Variants in LSM14A observed in about 807,000 individuals in gnomAD.
The protein encoded by LSM14A is LSM14A mRNA processing body assembly factor, also known as protein LSM14 homolog A.
A neutral mutation model predicts 52.4 loss-of-function variants in LSM14A; 14 were observed. The ratio of observed to expected loss-of-function variants is 0.27; its 90% CI spans 0.18 to 0.42. The LOEUF (loss-of-function observed/expected upper bound fraction) is 0.42. LSM14A is among the 10% of genes least tolerant of loss of function. The probability of loss-of-function intolerance (pLI) is 1.00; values close to 1 mark genes in which losing one functional copy is unlikely to be tolerated. For synonymous variants in LSM14A, 185 were observed against 200.3 expected, an observed-to-expected ratio of 0.92 and a Z score of 0.64; for missense variants, 417 against 581.8, an observed-to-expected ratio of 0.72 and a Z score of 2.91.
At chr19:34,224,104 G>A (rs1214999272) in intron 9 of LSM14A, among the ~76,000 whole-genome samples, 3 of 152,060 alleles carry the variant, frequency 2.0e-5, no homozygotes, top group South Asian at 2.1e-4. Flanking sequence ...TGAGGTGGGC[G>A]GATCACCTGA....
At chr19:34,196,547 T>C in intron 2 of LSM14A, 87 bp from the exon 3 acceptor site, 3 of 1,324,880 alleles carry the variant, frequency 2.3e-6, no homozygotes, top group Non-Finnish European at 3.0e-6. Flanking sequence ...TTTAATAGTT[T>C]TCTTAAAAGT....
At chr19:34,222,666 T>C (rs565600625) in intron 9 of LSM14A, among the ~76,000 whole-genome samples, 27 of 152,218 alleles carry the variant, frequency 1.8e-4, no homozygotes, top group Non-Finnish European at 3.8e-4. Flanking sequence ...AGATCAGTAT[T>C]AGTGGCTTTT....
intron 4 of LSM14A, among the ~76,000 whole-genome samples, chr19:34,210,929 A>C (rs1323656698): frequency 1.3e-5 from 2 of 152,160 alleles, no homozygotes; most frequent in Admixed American, 1.3e-4. Context: ...AAATATTGAA[A>C]TTAGCATTAT....
At chr19:34,210,295 A>G (rs1216730316) in intron 4 of LSM14A, among the ~76,000 whole-genome samples, 2 of 150,570 alleles carry the variant, frequency 1.3e-5, no homozygotes, top group Non-Finnish European at 1.5e-5. Context: ...TTTAAGATGG[A>G]GTCTTGCTCT....
chr19:34,186,593 C>G (rs2069926379), intron 1 of LSM14A, among the ~76,000 whole-genome samples: 1 of 152,084 alleles, frequency 6.6e-6, no homozygotes, highest in African/African-American at 2.4e-5. Flanking sequence ...TCTATAAAAC[C>G]TGACCGATAC....
chr19:34,201,155 C>T (rs1229667816), intron 3 of LSM14A, among the ~76,000 whole-genome samples: 2 of 152,080 alleles, frequency 1.3e-5, no homozygotes, highest in African/African-American at 4.8e-5. Flanking sequence ...ATTTTACTGG[C>T]ATTTTCCATG....
intron 5 of LSM14A, 95 bp from the exon 6 acceptor site, chr19:34,215,501 G>C: frequency 8.3e-7 from 1 of 1,208,036 alleles, no homozygotes; most frequent in Non-Finnish European, 1.2e-6. Context: ...GCTTTGTTTT[G>C]GGTTTTTTGG....
At chr19:34,216,588 T>C (rs1360391457) in intron 6 of LSM14A, among the ~76,000 whole-genome samples, 2 of 151,990 alleles carry the variant, frequency 1.3e-5, no homozygotes, top group African/African-American at 4.8e-5. Flanking sequence ...GCCTCCCTAG[T>C]AGCTGGGATT....
rs1183785045 is a variant in LSM14A at position 34,215,669 on chromosome 19, C to T, written c.781+8C>T. 2 of 1,598,550 alleles carry T rather than the reference C, an allele frequency of 1.3e-6. No individual in the cohort carries two copies. ...ATAACAAGAGACAAGTAGGTAAGTT[C>T]TTGGATCTAAAAGTCATATTCTATG... On this transcript the variant is annotated splice_region_variant and intron_variant, in intron 6 of 9. Transcript: ENST00000544216.
intron 1 of LSM14A, among the ~76,000 whole-genome samples, chr19:34,175,592 G>A (rs766880585): frequency 2.0e-5 from 3 of 152,186 alleles, no homozygotes; most frequent in Non-Finnish European, 4.4e-5. Context: ...GATTATGTTC[G>A]CAAAAACTGA....
intron 8 of LSM14A, among the ~76,000 whole-genome samples, chr19:34,220,989 C>G (rs1369276132): frequency 6.6e-6 from 1 of 151,832 alleles, no homozygotes; most frequent in Non-Finnish European, 1.5e-5. Flanking sequence ...AAACTAATGT[C>G]AGTCATGTGT....
At chr19:34,219,646 T>G in intron 7 of LSM14A, 60 bp from the exon 8 acceptor site, 2 of 1,567,594 alleles carry the variant, frequency 1.3e-6, no homozygotes, top group Admixed American at 3.7e-5. Context: ...TCAGATTAGG[T>G]GTTTTTATGT....
At chr19:34,181,839 C>G (rs1052763652) in intron 1 of LSM14A, among the ~76,000 whole-genome samples, 3 of 152,110 alleles carry the variant, frequency 2.0e-5, no homozygotes, top group African/African-American at 7.2e-5. Context: ...ACTTGTATAT[C>G]CATTGCCTCT....
chr19:34,198,868 T>C (rs957427665), intron 3 of LSM14A, among the ~76,000 whole-genome samples: 36 of 151,928 alleles, frequency 2.4e-4, no homozygotes, highest in African/African-American at 8.7e-4. Context: ...GCGCCTGTAG[T>C]TCCAGCTACT....
chr19:34,218,354 T>A (rs1439013160), intron 6 of LSM14A, among the ~76,000 whole-genome samples: 1 of 152,202 alleles, frequency 6.6e-6, no homozygotes, highest in Admixed American at 6.5e-5. Context: ...TTCTGGCTTG[T>A]GGCCGAGGCA....
intron 9 of LSM14A, among the ~76,000 whole-genome samples, chr19:34,225,645 A>G (rs1420385951): frequency 2.0e-5 from 3 of 152,346 alleles, no homozygotes; most frequent in East Asian, 3.9e-4. Context: ...TCTCTACGCT[A>G]CCACACTCAC....
intron 3 of LSM14A, among the ~76,000 whole-genome samples, chr19:34,201,795 C>T (rs879445094): frequency 9.9e-5 from 15 of 152,030 alleles, no homozygotes; most frequent in African/African-American, 1.4e-4. Context: ...TTTACGTTTT[C>T]GTGTGTTATT....
At chr19:34,198,189 T>C (rs2071012805) in intron 3 of LSM14A, among the ~76,000 whole-genome samples, 1 of 152,208 alleles carries the variant, frequency 6.6e-6, no homozygotes, top group African/African-American at 2.4e-5. Context: ...TTGAAACTCA[T>C]TGATATGCTA....
At chr19:34,188,505 C>T (rs1172773161) in intron 1 of LSM14A, among the ~76,000 whole-genome samples, 1 of 152,130 alleles carries the variant, frequency 6.6e-6, no homozygotes, top group Non-Finnish European at 1.5e-5. Flanking sequence ...GTGTACAATT[C>T]AGTGGCACTT....
Sources: gnomAD v4.1 joint callset for allele counts (sites outside exome capture counted in the v4.1 genomes callset) on GRCh38, gnomAD v4.1.1 for gene constraint, MANE v1.5 for transcripts, NCBI Gene and HGNC (gene_info 2026-07-23, HGNC 2026-07-21) for gene names.